The following MUC6 variants were observed in gnomAD, a reference collection of about 807,000 sequenced individuals.
The protein encoded by MUC6 is mucin-6.
Under a neutral mutation model 201.5 loss-of-function variants are expected in MUC6, and 188 were observed. The ratio of observed to expected loss-of-function variants is 0.93; its 90% CI spans 0.83 to 1.05. The LOEUF is 1.05. Among genes scored for constraint, MUC6 ranks in the 50% least tolerant of loss-of-function variants. The pLI, the probability that MUC6 is intolerant of heterozygous loss-of-function variation, is 0.00. For missense variants in MUC6, 2,706 were observed against 3,256.9 expected, an observed-to-expected ratio of 0.83 and a Z score of 4.12; for synonymous variants, 1,228 against 1,389.4, an observed-to-expected ratio of 0.88 and a Z score of 2.58.
At position 1,016,172 on chromosome 11, in the gene MUC6, G is replaced by T. The variant is rs757487677; in HGVS notation, c.6629C>A (p.Ala2210Asp). The T allele has an allele frequency of 7.4e-6, 12 of 1,613,420 alleles. No individual in the cohort carries two copies. The South Asian group carries it at 1.1e-4, about 15-fold the overall frequency. The change falls in exon 31 of 33, where the codon GCC becomes GAC. Residue 2210 changes from alanine to aspartate, a missense_variant. Ala to Asp is a moderately radical substitution (Grantham distance 126, BLOSUM62 -2). Around this residue, in one of 10 missense-constraint regions of MUC6, gnomAD observed 586 missense variants for 488.0 expected, o/e 1.20. Coordinates refer to ENST00000421673, the MANE Select transcript of MUC6 (RefSeq NM_005961.3). Reference protein sequence around the residue: ...SSPAASTTIRATLPHTISSPF... With the variant: ...SSPAASTTIRDTLPHTISSPF... ...AGAGGAGATAGTGTGGGGGAGAGTG[G>T]CCCTAATGGTAGTAGAGGCAGCTGG... is the stretch of plus-strand genomic sequence containing the variant.
Position 1,031,061 on chromosome 11 carries a change from G to C in MUC6, c.575-5C>G, listed in dbSNP as rs1210050395. The C allele has an allele frequency of 6.4e-7, 1 of 1,558,868 alleles. No homozygotes were observed. The highest frequency in any genetic ancestry group is 8.7e-7 in the Non-Finnish European group (1 of 1,153,068). On this transcript the variant is annotated splice_polypyrimidine_tract_variant and splice_region_variant and intron_variant, in intron 5 of 32. Transcript: ENST00000421673. ...TGTGGGGTTCCAGGAACTTGCCTGG[G>C]GTGCAGAATGGGGGTCAGCACCGTG... is the stretch of plus-strand genomic sequence containing the variant.
chr11:1,027,131 C>G lies in MUC6; in HGVS notation c.2284+10G>C. 3 of 1,612,426 alleles carry G rather than the reference C, an allele frequency of 1.9e-6. No individual in the cohort carries two copies. The highest frequency in any genetic ancestry group is 2.5e-6 in the Non-Finnish European group (3 of 1,179,750). ...CAGTCCCAGCCTGCGGCCAGCGCTG[C>G]TGTACGTACCCAGGAACATCTGTGG... is the stretch of plus-strand genomic sequence containing the variant. On this transcript the variant is annotated intron_variant, in intron 18 of 32. Coordinates refer to ENST00000421673, the MANE Select transcript of MUC6 (RefSeq NM_005961.3).
chr11:1,028,125 AC>A, intron 14 of MUC6, 66 bp from the exon 15 acceptor site: 1 of 1,533,930 alleles, frequency 6.5e-7, no homozygotes, highest in Non-Finnish European at 8.8e-7. Flanking sequence ...CCTCCCAGGG[AC>A]CCCCCACCCT....
rs1482295833 is a variant in MUC6 at position 1,023,975 on chromosome 11, G to A, written c.3354C>T (p.Cys1118=). ...AGAAGGCCGGGGTCCTCCAGTCCAC[G>A]CACACACCCTTGTCCAGACAGGCTT... The part of the protein sequence containing the change: ...YAQACLDKGV[C]VDWRTPAFCP... The change falls in exon 25 of 33, where the codon TGC becomes TGT. Residue 1118 remains cysteine (C), a synonymous_variant. Transcript: ENST00000421673. The A allele has an allele frequency of 2.5e-6, 4 of 1,612,690 alleles. No individual in the cohort carries two copies. The highest frequency in any genetic ancestry group is 1.1e-5 in the South Asian group (1 of 91,028).
intron 30 of MUC6, 114 bp from the exon 31 acceptor site, chr11:1,018,884 C>T: frequency 7.3e-7 from 1 of 1,363,000 alleles, no homozygotes; most frequent in East Asian, 2.3e-5. Flanking sequence ...TGCCTCTGTT[C>T]CTGTGACATG....
chr11:1,036,562 C>CT (rs1857220392), intron 1 of MUC6, 42 bp downstream of exon 1: 1 of 1,547,742 alleles, frequency 6.5e-7, no homozygotes, highest in East Asian at 2.4e-5. Context: ...CAGGGCCCCT[C>CT]TGAGGGCACC....
intron 26 of MUC6, among the ~76,000 whole-genome samples, chr11:1,023,248 ATG>A (rs1856864026): frequency 6.6e-6 from 1 of 151,162 alleles, no homozygotes; most frequent in Non-Finnish European, 1.5e-5. Context: ...GAATGTGTGA[ATG>A]AATGTGCATG....
In MUC6 at chr11:1,013,269, A is replaced by G. The variant is rs1278448763; in HGVS notation, c.*187T>C. ...GGCTCAGGGTCTGCAGGAGTGTGGT[A>G]GTCTGAGCCCCTGCTTGGCAGCCCC... is the stretch of plus-strand genomic sequence containing the variant. On this transcript the variant is annotated 3_prime_UTR_variant, in exon 33 of 33. Coordinates refer to ENST00000421673, the MANE Select transcript of MUC6 (RefSeq NM_005961.3). 2.1e-5 allele frequency: 13 copies of G among 606,916 alleles called. No homozygotes were observed. Among genetic ancestry groups the G allele is most frequent in the Non-Finnish European group, 3.4e-5 (12 of 348,014 alleles). The allele number at this position is 606,916 out of a possible 1,614,324, so 37.6% of individuals were successfully genotyped here.
rs1857129430 is a variant in MUC6, at chr11:1,032,442, TTGCA to T, written c.116-393_116-390del. On this transcript the variant is annotated intron_variant, in intron 2 of 32. Transcript: ENST00000421673. ...TGTGTGTTGGGTGTGTGTGATTGTG[TTGCA>T]TGCACATGTGTGTTTGTGTGAGCTG... Among the ~76,000 whole-genome samples, 3 of 151,196 alleles carry T rather than the reference TTGCA, an allele frequency of 2.0e-5. No homozygotes were observed. In the South Asian group the frequency reaches 6.3e-4, roughly 32 times the overall value.
chr11:1,029,655 C>G, intron 8 of MUC6, 40 bp from the exon 9 acceptor site: 4 of 1,526,182 alleles, frequency 2.6e-6, no homozygotes, highest in Non-Finnish European at 3.5e-6. Context: ...GTGGGACTGA[C>G]TGCCTCCCAC....
rs571441147 is a variant in MUC6 at position 1,021,516 on chromosome 11, A to G, written c.3527-239T>C. On this transcript the variant is annotated intron_variant, in intron 26 of 32. Transcript: ENST00000421673. ...CTCCCAGGTAGCTGCGATTGCAGGC[A>G]TGTGCCATGACGCCCGGCTAATTTT... Among the ~76,000 whole-genome samples, 7 of 152,088 alleles carry G rather than the reference A, an allele frequency of 4.6e-5. No homozygotes were observed. The East Asian group carries it at 1.2e-3, about 25-fold the overall frequency.
intron 27 of MUC6, 111 bp downstream of exon 27, chr11:1,021,104 G>A (rs547513846): frequency 3.0e-5 from 33 of 1,096,698 alleles, no homozygotes; most frequent in Admixed American, 9.7e-5. Context: ...CAGAGCTCAC[G>A]TAAGGGCTCA....
At chr11:1,024,772 C>T in intron 24 of MUC6, 72 bp downstream of exon 24, 3 of 1,534,848 alleles carry the variant, frequency 2.0e-6, no homozygotes, top group East Asian at 2.4e-5. Context: ...GCCTGGCTTC[C>T]CCGCCCCTTC....
At chr11:1,023,698 C>G (rs1229835586) in intron 25 of MUC6, 46 bp from the exon 26 acceptor site, 16 of 1,604,924 alleles carry the variant, frequency 1.0e-5, no homozygotes, top group Non-Finnish European at 1.4e-5. Context: ...TGGCCCTGGC[C>G]CTGGCCCTGA....
At chr11:1,019,181 C>T (rs776286371) in intron 30 of MUC6, 94 bp downstream of exon 30, 130 of 1,377,906 alleles carry the variant, frequency 9.4e-5, no homozygotes, top group Non-Finnish European at 1.1e-4. Context: ...CTGGGAAATA[C>T]GGGGTCTTCT....
At chr11:1,032,811 T>G (rs1285542241) in intron 2 of MUC6, among the ~76,000 whole-genome samples, 1 of 151,470 alleles carries the variant, frequency 6.6e-6, no homozygotes, top group Non-Finnish European at 1.5e-5. Context: ...CATGTACATG[T>G]GTATGCGTGT....
chr11:1,028,577 C>T, intron 13 of MUC6, 69 bp downstream of exon 13: 4 of 1,570,442 alleles, frequency 2.5e-6, no homozygotes, highest in South Asian at 2.3e-5. Flanking sequence ...GGACCTTTCT[C>T]CTCCCCTGGT....
Position 1,023,768 on chromosome 11 carries a change from T to C in MUC6, c.3383-116A>G, listed in dbSNP as rs935510327. The C allele has an allele frequency of 3.4e-5, 50 of 1,483,060 alleles. No individual in the cohort carries two copies. The Admixed American group carries it at 5.1e-4, about 15-fold the overall frequency. 91.9% of individuals were successfully genotyped at this position (1,483,060 alleles called of 1,614,324 possible). On this transcript the variant is annotated intron_variant, in intron 25 of 32. Coordinates refer to ENST00000421673, the MANE Select transcript of MUC6 (RefSeq NM_005961.3). ...GTGTGGGCGGGGAAGGTCTGGGCCC[T>C]CTTGGTGAAGCCTCCCCTGGGCAGC...
chr11:1,026,891 G>A, intron 19 of MUC6, 50 bp downstream of exon 19: 1 of 1,470,466 alleles, frequency 6.8e-7, no homozygotes, highest in Admixed American at 2.1e-5. Context: ...ACCCCCTCAT[G>A]GTTCAGCTGG....
Sources: gnomAD v4.1 joint callset for allele counts (sites outside exome capture counted in the v4.1 genomes callset) on GRCh38, gnomAD v4.1.1 for gene constraint, gnomAD v4.1.1 regional missense constraint, MANE v1.5 for transcripts, NCBI Gene and HGNC (gene_info 2026-07-23, HGNC 2026-07-21) for gene names.